GRIK3: variants seen among roughly 807,000 people sequenced by gnomAD.
GRIK3 encodes glutamate receptor ionotropic, kainate 3.
GRIK3 carries 29 observed loss-of-function variants against 102.5 expected under a neutral mutation model. The observed-to-expected ratio is 0.28, with a 90% CI of 0.21 to 0.39. The LOEUF (loss-of-function observed/expected upper bound fraction) is 0.39, where lower values mean the gene tolerates loss of function less well. GRIK3 is among the 10% of genes least tolerant of loss of function. The pLI is 1.00. For synonymous variants in GRIK3, 511 were observed against 504.9 expected (o/e 1.01, Z -0.16); for missense variants, 908 against 1,252.4 (o/e 0.73, Z 4.15).
intron 11 of GRIK3, among the ~76,000 whole-genome samples, chr1:36,820,848 CT>C (rs1353935871): frequency 6.6e-6 from 1 of 152,172 alleles, no homozygotes; most frequent in Non-Finnish European, 1.5e-5. Flanking sequence ...CACCTACTGC[CT>C]TCTAAGGAAG....
At chr1:36,946,700 C>T (rs938766127) in intron 1 of GRIK3, among the ~76,000 whole-genome samples, 2 of 152,228 alleles carry the variant, frequency 1.3e-5, no homozygotes, top group African/African-American at 4.8e-5. Flanking sequence ...AGCCCATGCA[C>T]CTTCTCATTT....
chr1:36,859,064 C>T, intron 7 of GRIK3, 44 bp downstream of exon 7: 3 of 1,520,270 alleles, frequency 2.0e-6, no homozygotes, highest in East Asian at 2.3e-5. Context: ...ACAGGGCCCA[C>T]AGTCCCGGGG....
At chr1:36,899,580 A>T (rs1641210757) in intron 1 of GRIK3, among the ~76,000 whole-genome samples, 2 of 152,146 alleles carry the variant, frequency 1.3e-5, no homozygotes, top group Admixed American at 1.3e-4. Context: ...GTTTTACAAG[A>T]TGAAAAGAGT....
chr1:36,924,953 A>G (rs1200185538), intron 1 of GRIK3, among the ~76,000 whole-genome samples: 1 of 152,172 alleles, frequency 6.6e-6, no homozygotes, highest in Non-Finnish European at 1.5e-5. Context: ...GAATCATGTG[A>G]TATGTATCAG....
rs1422102705 is a variant in GRIK3, at chr1:36,872,014, C to G, written c.732+174G>C. 6.6e-6 allele frequency among the ~76,000 whole-genome samples: 1 copy of G among 152,182 alleles called. No individual in the cohort carries two copies. The highest frequency in any genetic ancestry group is 1.5e-5 in the Non-Finnish European group (1 of 68,030). ...AAATACTGCAGTGTCCGTTTTGCTA[C>G]TGGTGAAAATGAGGCTCAGAGAGGC... On this transcript the variant is annotated intron_variant, in intron 4 of 15. Coordinates refer to ENST00000373091, the MANE Select transcript of GRIK3 (RefSeq NM_000831.4). The surrounding 1 kb of genome is among the most constrained non-coding windows in gnomAD (Gnocchi z 5.9).
chr1:37,006,768 C>T (rs1222885286), intron 1 of GRIK3, among the ~76,000 whole-genome samples: 1 of 152,218 alleles, frequency 6.6e-6, no homozygotes, highest in African/African-American at 2.4e-5. Context: ...CTGTTGGCAG[C>T]TATGCGATGG....
At chr1:36,854,477 G>T (rs752696470) in intron 7 of GRIK3, among the ~76,000 whole-genome samples, 11 of 152,166 alleles carry the variant, frequency 7.2e-5, no homozygotes, top group Non-Finnish European at 1.5e-4. Flanking sequence ...AGAGAGGAAG[G>T]CAGAGGTTGG....
chr1:36,801,922 A>G lies in GRIK3; in HGVS notation c.2689T>C (p.Phe897Leu). 1.2e-6 allele frequency: 2 copies of G among 1,614,080 alleles called. No homozygotes were observed. Among genetic ancestry groups the G allele is most frequent in the Non-Finnish European group, 8.5e-7 (1 of 1,180,004 alleles). ...KTDAVINMHTFNDRRLPGKDS... is the reference protein window; with the variant it reads ...KTDAVINMHTLNDRRLPGKDS... Reference sequence around the variant, plus strand: ...TTGCCGGGAAGCCGGCGGTCATTGAATGTGTGCATGTTGATGACGGCGTCA... The same window carrying G: ...TTGCCGGGAAGCCGGCGGTCATTGAGTGTGTGCATGTTGATGACGGCGTCA... The change falls in exon 16 of 16, where the codon TTC becomes CTC. Residue 897 changes from phenylalanine to leucine, a missense_variant. By Grantham distance (22) the Phe-to-Leu change is conservative. This residue lies in a region of GRIK3 where 297 missense variants were observed against 362.7 expected (regional missense o/e 0.82). Transcript: ENST00000373091.
chr1:37,002,244 C>T (rs1423031277), intron 1 of GRIK3, among the ~76,000 whole-genome samples: 2 of 152,138 alleles, frequency 1.3e-5, no homozygotes, highest in Admixed American at 1.3e-4. Flanking sequence ...ATTAGATTTA[C>T]TGGGGGCATA....
In GRIK3 at chr1:36,880,693, A is replaced by G; in HGVS notation, c.491T>C (p.Leu164Pro). 1 of 1,614,148 alleles carries G rather than the reference A, an allele frequency of 6.2e-7. No homozygotes were observed. The highest frequency in any genetic ancestry group is 8.5e-7 in the Non-Finnish European group (1 of 1,179,986). ...PDYASLSHAI[L>P]DLVQYLKWRS... The stretch of plus-strand genomic sequence containing the variant: ...CCACTTGAGGTACTGGACCAGGTCG[A>G]GGATGGCATGGCTGAGCGAGGCGTA... The change falls in exon 3 of 16, where the codon CTC (leucine) becomes CCC (proline). Residue 164 changes from leucine (L) to proline (P), a missense_variant. Leu to Pro is a moderately conservative substitution (Grantham distance 98). This residue lies in a region of GRIK3 where 585 missense variants were observed against 824.9 expected (regional missense o/e 0.71). Transcript: ENST00000373091. The surrounding 1 kb of genome is among the most constrained non-coding windows in gnomAD (Gnocchi z 5.4).
intron 1 of GRIK3, among the ~76,000 whole-genome samples, chr1:37,014,507 A>G (rs78904880): frequency 6.6e-6 from 1 of 152,224 alleles, no homozygotes; most frequent in East Asian, 1.9e-4. Context: ...TGAATGGAGT[A>G]ATGAGGTCTT....
At chr1:36,842,543 G>A (rs1450721423) in intron 9 of GRIK3, among the ~76,000 whole-genome samples, 3 of 152,176 alleles carry the variant, frequency 2.0e-5, no homozygotes, top group Non-Finnish European at 2.9e-5. Flanking sequence ...CCTGGATGCC[G>A]TTCTCTCTTT....
intron 1 of GRIK3, among the ~76,000 whole-genome samples, chr1:36,932,089 T>C (rs1237605108): frequency 6.6e-6 from 1 of 152,138 alleles, no homozygotes; most frequent in Admixed American, 6.5e-5. Context: ...GTGGCTTCCT[T>C]GAGGGGCAAC....
intron 1 of GRIK3, among the ~76,000 whole-genome samples, chr1:36,906,283 C>G (rs1163548629): frequency 6.6e-6 from 1 of 152,202 alleles, no homozygotes; most frequent in Non-Finnish European, 1.5e-5. Context: ...AGTCCCAAAC[C>G]TAGCTCTATC....
rs552271355 is a variant in GRIK3 at position 37,025,258 on chromosome 1, G to A, written c.115+8736C>T. On this transcript the variant is annotated intron_variant, in intron 1 of 15. Coordinates refer to ENST00000373091, the MANE Select transcript of GRIK3 (RefSeq NM_000831.4). ...CTGGCTATCCACCTGTATGTAGTGGGGTCCTCCATTGACCTAGAACAGCAG... is the reference window on the plus strand; with the variant it reads ...CTGGCTATCCACCTGTATGTAGTGGAGTCCTCCATTGACCTAGAACAGCAG... Among the ~76,000 whole-genome samples the A allele has an allele frequency of 9.9e-5, 15 of 152,262 alleles. No homozygotes were observed. In the South Asian group the frequency reaches 3.1e-3, roughly 32 times the overall value.
At chr1:36,836,539 G>A (rs1640381480) in intron 10 of GRIK3, among the ~76,000 whole-genome samples, 1 of 152,246 alleles carries the variant, frequency 6.6e-6, no homozygotes, top group South Asian at 2.1e-4. Context: ...TCTGCACTCA[G>A]TGTTACTGGG....
At chr1:36,957,462 T>TGTGTGCCCCGTG (rs879363743) in intron 1 of GRIK3, among the ~76,000 whole-genome samples, 1 of 115,244 alleles carries the variant, frequency 8.7e-6, no homozygotes. Context: ...CCTGTGAGCC[T>TGTGTGCCCCGTG]ATGTGCTCTG....
Position 36,850,276 on chromosome 1 carries a change from G to A in GRIK3, c.1326+35C>T, listed in dbSNP as rs368708578. 3.5e-5 allele frequency: 48 copies of A among 1,382,554 alleles called. No individual in the cohort carries two copies. In the African/African-American group the frequency reaches 4.4e-4, roughly 13 times the overall value. 85.6% of individuals were successfully genotyped at this position (1,382,554 alleles called of 1,614,324 possible). ...CGAACGGCCACCCCACCCCCAGGTC[G>A]GACAGTCCTTCCTGCAGGGGCTGCA... On this transcript the variant is annotated intron_variant, in intron 9 of 15. Transcript: ENST00000373091. The surrounding 1 kb of genome is among the most constrained non-coding windows in gnomAD (Gnocchi z 4.0).
intron 1 of GRIK3, among the ~76,000 whole-genome samples, chr1:36,911,276 TG>T (rs1489016847): frequency 2.6e-5 from 4 of 152,166 alleles, no homozygotes; most frequent in Non-Finnish European, 5.9e-5. Flanking sequence ...GCTAAGCATG[TG>T]GGCTCTGCAG....
Sources: allele counts gnomAD v4.1 joint callset (sites outside exome capture counted in the v4.1 genomes callset), GRCh38; gene constraint gnomAD v4.1.1; regional missense constraint gnomAD v4.1.1; non-coding constraint Gnocchi (gnomAD v3.1); transcripts MANE v1.5; gene names NCBI Gene and HGNC (gene_info 2026-07-23, HGNC 2026-07-21).